Variants in TIPIN observed in about 807,000 individuals in gnomAD.
TIPIN encodes the protein TIMELESS-interacting protein.
TIPIN carries 29 observed loss-of-function variants against 35.6 expected under a neutral mutation model. The observed-to-expected ratio is 0.82, with a 90% CI of 0.61 to 1.11. The LOEUF (loss-of-function observed/expected upper bound fraction) is 1.11, where lower values mean the gene tolerates loss of function less well. Among genes scored for constraint, TIPIN ranks in the 50% most tolerant of loss-of-function variants. The probability of loss-of-function intolerance (pLI) is 0.00; values close to 1 mark genes in which losing one functional copy is unlikely to be tolerated. For missense variants in TIPIN, 296 were observed against 345.4 expected, an observed-to-expected ratio of 0.86 and a Z score of 1.13; for synonymous variants, 102 against 121.5, an observed-to-expected ratio of 0.84 and a Z score of 1.06.
At chr15:66,384,460 A>G (rs1411429535) in intron 1 of TIPIN, among the ~76,000 whole-genome samples, 1 of 151,556 alleles carries the variant, frequency 6.6e-6, no homozygotes, top group Non-Finnish European at 1.5e-5. Context: ...ATGCCTGGCT[A>G]ATTTTTGTAA....
At chr15:66,367,886 G>A (rs1017646813) in intron 1 of TIPIN, among the ~76,000 whole-genome samples, 1 of 145,136 alleles carries the variant, frequency 6.9e-6, no homozygotes, top group African/African-American at 2.5e-5. Context: ...CTAGGCTGCA[G>A]TGCAGTGGCG....
chr15:66,371,757 TCCGC>T (rs1451045922), intron 1 of TIPIN, among the ~76,000 whole-genome samples: 2 of 152,106 alleles, frequency 1.3e-5, no homozygotes, highest in African/African-American at 4.8e-5. Flanking sequence ...GACTTCGTGA[TCCGC>T]CCGCCTCAGC....
intron 1 of TIPIN, among the ~76,000 whole-genome samples, chr15:66,376,805 T>C (rs2093298522): frequency 6.6e-6 from 1 of 151,138 alleles, no homozygotes; most frequent in African/African-American, 2.4e-5. Flanking sequence ...ATTGCCAAAA[T>C]GCCCTTTAAA....
chr15:66,362,491 C>A (rs1168963982), intron 1 of TIPIN, among the ~76,000 whole-genome samples: 1 of 152,016 alleles, frequency 6.6e-6, no homozygotes, highest in African/African-American at 2.4e-5. Context: ...GAGGCCGAGG[C>A]TGGCAGATCA....
At chr15:66,346,781 G>T (rs2093128643) in intron 6 of TIPIN, among the ~76,000 whole-genome samples, 1 of 151,920 alleles carries the variant, frequency 6.6e-6, no homozygotes, top group Admixed American at 6.6e-5. Flanking sequence ...TTAAATCACG[G>T]ATTATTTAAA....
At chr15:66,342,489 G>A (rs1278840476) in intron 6 of TIPIN, among the ~76,000 whole-genome samples, 2 of 151,902 alleles carry the variant, frequency 1.3e-5, no homozygotes, top group Non-Finnish European at 2.9e-5. Flanking sequence ...TCAGCCTCCC[G>A]AGAAGCTGGG....
intron 7 of TIPIN, among the ~76,000 whole-genome samples, chr15:66,340,031 G>A (rs1472275978): frequency 6.6e-6 from 1 of 150,588 alleles, no homozygotes; most frequent in Non-Finnish European, 1.5e-5. Context: ...ACACCACCAT[G>A]CCCGGCAAAT....
At chr15:66,353,343 C>A (rs984005866) in intron 1 of TIPIN, among the ~76,000 whole-genome samples, 1 of 151,978 alleles carries the variant, frequency 6.6e-6, no homozygotes, top group Admixed American at 6.6e-5. Flanking sequence ...CTGGGCTGGG[C>A]GCGGTGGCTC....
intron 1 of TIPIN, chr15:66,371,351 C>G: frequency 4.1e-6 from 4 of 985,000 alleles, no homozygotes; most frequent in Non-Finnish European, 4.8e-6. Context: ...ACAAAATTCT[C>G]AGAAGACGTA....
At chr15:66,368,590 C>A (rs1396210944) in intron 1 of TIPIN, among the ~76,000 whole-genome samples, 2 of 151,952 alleles carry the variant, frequency 1.3e-5, no homozygotes, top group Admixed American at 1.3e-4. Context: ...CCTAGATTTG[C>A]CAGTTTCTGT....
chr15:66,378,410 C>T (rs1471576105), intron 1 of TIPIN, among the ~76,000 whole-genome samples: 1 of 152,094 alleles, frequency 6.6e-6, no homozygotes, highest in Non-Finnish European at 1.5e-5. Context: ...GCTGGGATTA[C>T]AGGTGTGAGC....
In TIPIN at chr15:66,352,909, T is replaced by C; in HGVS notation, c.39A>G (p.Pro13=). ...EPQENGVIDL[P]DYEHVEDETF... Reference sequence around the variant, plus strand: ...TTTCATCTTCTACATGCTCATAATCTGGTAGGTCAATCACGCCATTCTCCT... The same window carrying C: ...TTTCATCTTCTACATGCTCATAATCCGGTAGGTCAATCACGCCATTCTCCT... Residue 13 remains proline, a synonymous_variant, in exon 2 of 8, where the codon CCA becomes CCG. Transcript: ENST00000261881. 1.2e-6 allele frequency: 2 copies of C among 1,614,124 alleles called. No individual in the cohort carries two copies. Among genetic ancestry groups the C allele is most frequent in the Admixed American group, 1.7e-5 (1 of 60,014 alleles).
At chr15:66,353,773 T>C (rs1291418325) in intron 1 of TIPIN, among the ~76,000 whole-genome samples, 1 of 152,166 alleles carries the variant, frequency 6.6e-6, no homozygotes, top group Non-Finnish European at 1.5e-5. Flanking sequence ...AGAATGTTTT[T>C]CAGTACTGCC....
Position 66,383,692 on chromosome 15 carries a change from G to T in TIPIN, c.-9+2915C>A, listed in dbSNP as rs556830050. On this transcript the variant is annotated intron_variant, in intron 1 of 7. Coordinates refer to the TIPIN transcript ENST00000562124. ...TACATCTATGCCTCTATATTAAAAA[G>T]TATGGGGGAAAGAAATGGGGAGATG... 330 of 629,386 alleles carry T rather than the reference G, an allele frequency of 5.2e-4. 1 individual carries two copies. The highest frequency in any genetic ancestry group is 1.6e-3 in the Middle Eastern group (2 of 1,246). 39.0% of individuals were successfully genotyped at this position (629,386 alleles called of 1,614,324 possible).
intron 1 of TIPIN, chr15:66,379,147 C>A: frequency 1.3e-6 from 1 of 744,322 alleles, no homozygotes; most frequent in Non-Finnish European, 2.0e-6. Flanking sequence ...CCTCTGCCTC[C>A]CAAAATGCTG....
intron 4 of TIPIN, among the ~76,000 whole-genome samples, chr15:66,350,033 C>A (rs1212493362): frequency 6.6e-6 from 1 of 151,986 alleles, no homozygotes; most frequent in Admixed American, 6.6e-5. Context: ...GCAATCTTGG[C>A]TCACTACAAC....
intron 5 of TIPIN, 61 bp from the exon 6 acceptor site, chr15:66,349,184 A>G: frequency 6.3e-7 from 1 of 1,598,070 alleles, no homozygotes. Flanking sequence ...GGGGGAGATA[A>G]TTTGCTATTA....
chr15:66,379,892 C>A, intron 1 of TIPIN: 1 of 1,566,734 alleles, frequency 6.4e-7, no homozygotes, highest in South Asian at 1.1e-5. Flanking sequence ...TGTCGACAGT[C>A]TGATTAATGA....
In TIPIN at chr15:66,336,931, A is replaced by T. The variant is rs2093048382; in HGVS notation, c.*27T>A. Reference sequence around the variant, plus strand: ...GCCAAGCTTGCAGGACGATGACTTAACAGATACATTTTCTCTTAATGGAAA... The same window carrying T: ...GCCAAGCTTGCAGGACGATGACTTATCAGATACATTTTCTCTTAATGGAAA... On this transcript the variant is annotated 3_prime_UTR_variant, in exon 8 of 8. Coordinates refer to ENST00000261881, the MANE Select transcript of TIPIN (RefSeq NM_017858.3). 1 of 1,594,984 alleles carries T rather than the reference A, an allele frequency of 6.3e-7. No individual in the cohort carries two copies. Among genetic ancestry groups the T allele is most frequent in the Non-Finnish European group, 8.6e-7 (1 of 1,165,738 alleles).
Sources: allele counts gnomAD v4.1 joint callset (sites outside exome capture counted in the v4.1 genomes callset), GRCh38; gene constraint gnomAD v4.1.1; transcripts MANE v1.5; gene names NCBI Gene and HGNC (gene_info 2026-07-23, HGNC 2026-07-21).